The following TNR variants were observed in gnomAD, a reference collection of about 807,000 sequenced individuals.
The protein encoded by TNR is tenascin R.
Under a neutral mutation model 150.4 loss-of-function variants are expected in TNR, and 45 were observed. The ratio of observed to expected loss-of-function variants is 0.30; its 90% CI spans 0.24 to 0.38. The LOEUF is 0.38. TNR is among the 10% of genes least tolerant of loss of function. TNR has a pLI of 1.00. For missense variants in TNR, 1,544 were observed against 1,759.1 expected (o/e 0.88, Z 2.19); for synonymous variants, 687 against 678.4 (o/e 1.01, Z -0.20).
At chr1:175,683,449 C>T (rs1302078818) in intron 1 of TNR, among the ~76,000 whole-genome samples, 1 of 152,194 alleles carries the variant, frequency 6.6e-6, no homozygotes, top group Non-Finnish European at 1.5e-5. Context: ...AGGAGTGATT[C>T]CACCACCATC....
chr1:175,354,557 G>A, intron 17 of TNR, 34 bp from the exon 18 acceptor site: 1 of 1,613,382 alleles, frequency 6.2e-7, no homozygotes, highest in Non-Finnish European at 8.5e-7. Context: ...GTGGTGGAAG[G>A]GAGCAACTGG....
chr1:175,719,845 C>A (rs1667252995), intron 1 of TNR, among the ~76,000 whole-genome samples: 6 of 152,200 alleles, frequency 3.9e-5, no homozygotes, highest in Admixed American at 3.9e-4. Flanking sequence ...AGACCAGGAT[C>A]AGATTCCACT....
chr1:175,606,761 A>G (rs1663420712), intron 1 of TNR, among the ~76,000 whole-genome samples: 1 of 152,080 alleles, frequency 6.6e-6, no homozygotes, highest in Non-Finnish European at 1.5e-5. Flanking sequence ...CGACCACTGG[A>G]GCAGCTTGGG....
At chr1:175,503,631 A>C (rs748063791) in intron 2 of TNR, among the ~76,000 whole-genome samples, 1 of 152,170 alleles carries the variant, frequency 6.6e-6, no homozygotes, top group Non-Finnish European at 1.5e-5. Flanking sequence ...CCTTTCCACA[A>C]GGGCAGCTTT....
chr1:175,596,086 G>A (rs6698920), intron 1 of TNR, among the ~76,000 whole-genome samples: 1 of 152,204 alleles, frequency 6.6e-6, no homozygotes, highest in Non-Finnish European at 1.5e-5. Context: ...ATTCACACTC[G>A]TTTAGGGCAA....
At chr1:175,624,176 G>A (rs1338993941) in intron 1 of TNR, among the ~76,000 whole-genome samples, 1 of 152,020 alleles carries the variant, frequency 6.6e-6, no homozygotes, top group East Asian at 1.9e-4. Flanking sequence ...TTACATGGTG[G>A]TACCTCTTAA....
intron 1 of TNR, among the ~76,000 whole-genome samples, chr1:175,670,862 C>A (rs1665677481): frequency 6.6e-6 from 1 of 152,168 alleles, no homozygotes; most frequent in Admixed American, 6.5e-5. Context: ...GTTCTGAAAT[C>A]CATGGGGAGC....
At chr1:175,679,904 T>C (rs1558069673) in intron 1 of TNR, among the ~76,000 whole-genome samples, 3 of 152,324 alleles carry the variant, frequency 2.0e-5, no homozygotes, top group Middle Eastern at 3.4e-3. Flanking sequence ...TCATGGTCAC[T>C]GCCAGCCTAT....
intron 1 of TNR, among the ~76,000 whole-genome samples, chr1:175,619,483 G>C (rs1367618678): frequency 2.6e-5 from 4 of 152,180 alleles, no homozygotes; most frequent in Non-Finnish European, 5.9e-5. Context: ...GTATTGAGTA[G>C]AACAAAGCTA....
chr1:175,644,821 G>A (rs1021151919), intron 1 of TNR, among the ~76,000 whole-genome samples: 10 of 152,248 alleles, frequency 6.6e-5, no homozygotes, highest in Non-Finnish European at 2.9e-5. Flanking sequence ...TGGAATCCAA[G>A]CCTTCATTGA....
At position 175,394,553 on chromosome 1, in the gene TNR, A is replaced by T. The variant is rs573315520; in HGVS notation, c.1241-658T>A. Among the ~76,000 whole-genome samples, 4 of 152,250 alleles carry T rather than the reference A, an allele frequency of 2.6e-5. No individual in the cohort carries two copies. The East Asian group carries it at 7.7e-4, about 29-fold the overall frequency. Reference sequence around the variant, plus strand: ...CCCCCAACCACACAGTCACATACACATGCACAGGTTTTGTGAGATGGAAGT... The same window carrying T: ...CCCCCAACCACACAGTCACATACACTTGCACAGGTTTTGTGAGATGGAAGT... On this transcript the variant is annotated intron_variant, in intron 5 of 22. Coordinates refer to ENST00000367674, the MANE Select transcript of TNR (RefSeq NM_003285.3).
chr1:175,487,140 T>A (rs974953907), intron 2 of TNR, among the ~76,000 whole-genome samples: 9 of 152,246 alleles, frequency 5.9e-5, no homozygotes, highest in African/African-American at 2.2e-4. Flanking sequence ...AGATCCCATT[T>A]GTTAATTTTG....
At chr1:175,618,019 C>T (rs1229328172) in intron 1 of TNR, among the ~76,000 whole-genome samples, 1 of 152,168 alleles carries the variant, frequency 6.6e-6, no homozygotes, top group Admixed American at 6.5e-5. Flanking sequence ...GTAGAAGTAC[C>T]TACTTTTCCC....
At chr1:175,354,763 A>C (rs1331164517) in intron 17 of TNR, among the ~76,000 whole-genome samples, 2 of 152,218 alleles carry the variant, frequency 1.3e-5, no homozygotes, top group Non-Finnish European at 2.9e-5. Flanking sequence ...AGGTACCTGC[A>C]TTATTGAATC....
At chr1:175,449,258 G>A (rs1354450801) in intron 2 of TNR, among the ~76,000 whole-genome samples, 1 of 152,190 alleles carries the variant, frequency 6.6e-6, no homozygotes, top group Admixed American at 6.5e-5. Context: ...CTCCTCCTTT[G>A]TTCTCACACA....
At chr1:175,392,691 C>A (rs1653235548) in intron 6 of TNR, among the ~76,000 whole-genome samples, 1 of 152,114 alleles carries the variant, frequency 6.6e-6, no homozygotes, top group African/African-American at 2.4e-5. Flanking sequence ...TATAATATGA[C>A]TGTAAATAAG....
At chr1:175,740,021 T>C (rs1667880922) in intron 1 of TNR, among the ~76,000 whole-genome samples, 2 of 152,248 alleles carry the variant, frequency 1.3e-5, no homozygotes, top group Admixed American at 1.3e-4. Flanking sequence ...CATTTGATTG[T>C]TGGTTTCTAT....
chr1:175,440,450 C>T (rs1385646639), intron 2 of TNR, among the ~76,000 whole-genome samples: 1 of 151,376 alleles, frequency 6.6e-6, no homozygotes, highest in Non-Finnish European at 1.5e-5. Flanking sequence ...GGGTGCAGCA[C>T]ACCAACATGG....
intron 1 of TNR, among the ~76,000 whole-genome samples, chr1:175,607,261 C>T (rs1558034985): frequency 1.3e-5 from 2 of 152,166 alleles, no homozygotes; most frequent in Non-Finnish European, 2.9e-5. Flanking sequence ...TTGCAAGTGG[C>T]TCAAGTAGGA....
Sources: gnomAD v4.1 joint callset for allele counts (sites outside exome capture counted in the v4.1 genomes callset) on GRCh38, gnomAD v4.1.1 for gene constraint, MANE v1.5 for transcripts, NCBI Gene and HGNC (gene_info 2026-07-23, HGNC 2026-07-21) for gene names.